Variants in LRRC37A2 observed in about 807,000 individuals in gnomAD.
LRRC37A2 encodes leucine-rich repeat-containing protein 37A2.
Under a neutral mutation model 68.8 loss-of-function variants are expected in LRRC37A2, and 9 were observed. That is an observed-to-expected ratio of 0.13 (90% confidence interval 0.08 to 0.23). LRRC37A2 has a LOEUF of 0.23. Among genes scored for constraint, LRRC37A2 ranks in the 10% least tolerant of loss-of-function variants. The pLI, the probability that LRRC37A2 is intolerant of heterozygous loss-of-function variation, is 1.00. For missense variants in LRRC37A2, 168 were observed against 950.4 expected (o/e 0.18, Z 10.82); for synonymous variants, 63 against 367.6 (o/e 0.17, Z 9.48).
the LRRC37A2 span, among the ~76,000 whole-genome samples, chr17:46,746,539 G>A: frequency 5.9e-5 from 9 of 152,212 alleles, no homozygotes; most frequent in Non-Finnish European, 8.8e-5. Flanking sequence ...CAAGATCTGT[G>A]TATAGGTTCA....
intron 8 of LRRC37A2, among the ~76,000 whole-genome samples, chr17:46,542,282 A>G: frequency 6.8e-6 from 1 of 146,874 alleles, no homozygotes. Context: ...CGTCTAAAAG[A>G]TTTTCTCCTA....
chr17:46,786,120 A>G, the LRRC37A2 span, among the ~76,000 whole-genome samples: 1 of 121,014 alleles, frequency 8.3e-6, no homozygotes. Flanking sequence ...AAAAGGGAGG[A>G]GGGTGCGAGA....
At chr17:46,740,475 A>AG in the LRRC37A2 span, among the ~76,000 whole-genome samples, 1 of 152,204 alleles carries the variant, frequency 6.6e-6, no homozygotes, top group Non-Finnish European at 1.5e-5. Flanking sequence ...GGGTCAATTT[A>AG]GGGTATATCA....
chr17:46,533,448 T>C (rs2054026764), intron 6 of LRRC37A2, among the ~76,000 whole-genome samples: 3 of 139,428 alleles, frequency 2.2e-5, no homozygotes, highest in Non-Finnish European at 4.5e-5. Context: ...ATATACCTTA[T>C]GTTCATCAAC....
the LRRC37A2 span, among the ~76,000 whole-genome samples, chr17:46,750,460 T>G: frequency 6.6e-6 from 1 of 152,230 alleles, no homozygotes; most frequent in Non-Finnish European, 1.5e-5. Context: ...AAATCTGAAA[T>G]GCTTCAGTGA....
chr17:46,871,750 A>G, the LRRC37A2 span, among the ~76,000 whole-genome samples: 1 of 152,210 alleles, frequency 6.6e-6, no homozygotes, highest in Non-Finnish European at 1.5e-5. Flanking sequence ...CTTTCAATCT[A>G]GGAGAACAAG....
At chr17:46,967,933 A>G in the LRRC37A2 span, among the ~76,000 whole-genome samples, 2 of 152,230 alleles carry the variant, frequency 1.3e-5, no homozygotes, top group Admixed American at 6.5e-5. Context: ...CTGTGAACAC[A>G]GAATCCGACA....
At chr17:46,823,278 G>A in the LRRC37A2 span, among the ~76,000 whole-genome samples, 2 of 145,924 alleles carry the variant, frequency 1.4e-5, no homozygotes, top group Admixed American at 7.1e-5. Flanking sequence ...GCAATGGCGC[G>A]GTCTCGACTC....
At chr17:46,552,771 G>A (rs1234810993) in intron 11 of LRRC37A2, 1 of 106,958 alleles carries the variant, frequency 9.3e-6, no homozygotes, top group Admixed American at 9.7e-5. Context: ...TGTACAATAT[G>A]TATACATTTT....
the LRRC37A2 span, among the ~76,000 whole-genome samples, chr17:46,874,721 G>A: frequency 6.6e-6 from 1 of 152,080 alleles, no homozygotes; most frequent in African/African-American, 2.4e-5. Context: ...GGGAATATTG[G>A]CATGTACCAC....
At chr17:46,773,616 T>TGGTGGGGGGGGGGGGGGGGGGGGGGGGG in the LRRC37A2 span, 1 of 997,788 alleles carries the variant, frequency 1.0e-6, no homozygotes, top group Non-Finnish European at 1.5e-6. Flanking sequence ...CATACAGTCC[T>TGGTGGGGGGGGGGGGGGGGGGGGGGGGG]GATCCCTCCC....
the LRRC37A2 span, chr17:46,940,597 C>T: frequency 2.0e-5 from 32 of 1,614,060 alleles, no homozygotes; most frequent in Non-Finnish European, 2.5e-5. Context: ...GGAGGAAGGT[C>T]TGCAGGGAGC....
the LRRC37A2 span, among the ~76,000 whole-genome samples, chr17:46,657,420 G>C: frequency 6.6e-6 from 1 of 152,158 alleles, no homozygotes; most frequent in Non-Finnish European, 1.5e-5. Context: ...GTCTAGTTTT[G>C]GATTTGTCAT....
At chr17:46,601,977 A>T in the LRRC37A2 span, among the ~76,000 whole-genome samples, 1 of 144,998 alleles carries the variant, frequency 6.9e-6, no homozygotes, top group Non-Finnish European at 1.5e-5. Context: ...TGAAGCCAGG[A>T]GTTCAAGGCC....
the LRRC37A2 span, among the ~76,000 whole-genome samples, chr17:46,602,674 C>T: frequency 7.3e-6 from 1 of 136,700 alleles, no homozygotes; most frequent in Non-Finnish European, 1.6e-5. Flanking sequence ...GTTGCTTTGA[C>T]AAGCAATGAA....
chr17:46,888,107 T>A, the LRRC37A2 span, among the ~76,000 whole-genome samples: 1 of 151,788 alleles, frequency 6.6e-6, no homozygotes, highest in African/African-American at 2.4e-5. Flanking sequence ...ATGTGATGAG[T>A]TTTCACAAGC....
chr17:46,833,874 G>A, the LRRC37A2 span, among the ~76,000 whole-genome samples: 1 of 152,034 alleles, frequency 6.6e-6, no homozygotes. Context: ...TGCTAGTTCT[G>A]GAGTCTTTCC....
the LRRC37A2 span, among the ~76,000 whole-genome samples, chr17:46,927,912 C>T: frequency 1.3e-5 from 2 of 152,206 alleles, no homozygotes; most frequent in African/African-American, 4.8e-5. Flanking sequence ...TCTGTTAAAT[C>T]AGCATTGAAA....
At chr17:46,855,624 A>C in the LRRC37A2 span, among the ~76,000 whole-genome samples, 1 of 152,202 alleles carries the variant, frequency 6.6e-6, no homozygotes, top group African/African-American at 2.4e-5. Flanking sequence ...AACTTCTGTG[A>C]TGTTGTATAA....
Sources: allele counts gnomAD v4.1 joint callset (sites outside exome capture counted in the v4.1 genomes callset), GRCh38; gene constraint gnomAD v4.1.1; transcripts MANE v1.5; gene names NCBI Gene and HGNC (gene_info 2026-07-23, HGNC 2026-07-21).